CFAP96: variants seen among roughly 807,000 people sequenced by gnomAD.
The protein encoded by CFAP96 is cilia-and flagella-associated protein 96.
the CFAP96 span, among the ~76,000 whole-genome samples, chr4:185,437,114 G>A: frequency 6.6e-6 from 1 of 152,210 alleles, no homozygotes; most frequent in African/African-American, 2.4e-5. Context: ...ATGGGATGGA[G>A]GAGTGGAGGC....
the CFAP96 span, among the ~76,000 whole-genome samples, chr4:185,413,489 C>T: frequency 6.6e-6 from 1 of 152,138 alleles, no homozygotes; most frequent in Non-Finnish European, 1.5e-5. Context: ...TGGGACAAGC[C>T]TTTAAAGAAA....
At chr4:185,418,902 AT>A in the CFAP96 span, 14 of 688,150 alleles carry the variant, frequency 2.0e-5, no homozygotes, top group Non-Finnish European at 3.1e-5. Context: ...TAATTTCAAA[AT>A]TTTTTGCCTA....
the CFAP96 span, chr4:185,425,776 A>C: frequency 6.5e-7 from 1 of 1,547,692 alleles, no homozygotes; most frequent in Non-Finnish European, 8.8e-7. Flanking sequence ...CGGCAGGACC[A>C]GCTCCTTTCA....
the CFAP96 span, among the ~76,000 whole-genome samples, chr4:185,438,835 C>T: frequency 6.6e-6 from 1 of 152,204 alleles, no homozygotes; most frequent in Admixed American, 6.5e-5. Context: ...TCTAGGTACT[C>T]CGTCCGATGC....
chr4:185,414,532 C>CAG, the CFAP96 span, among the ~76,000 whole-genome samples: 8 of 152,154 alleles, frequency 5.3e-5, no homozygotes, highest in African/African-American at 1.9e-4. Flanking sequence ...CCTCCACATA[C>CAG]AGAGGGTCAG....
At chr4:185,437,094 T>C in the CFAP96 span, among the ~76,000 whole-genome samples, 1 of 152,210 alleles carries the variant, frequency 6.6e-6, no homozygotes, top group Non-Finnish European at 1.5e-5. Context: ...GAAGCCATTA[T>C]GATGAGCAGA....
At chr4:185,428,342 G>A in the CFAP96 span, among the ~76,000 whole-genome samples, 1 of 152,020 alleles carries the variant, frequency 6.6e-6, no homozygotes, top group African/African-American at 2.4e-5. Context: ...GGGAGGCCGA[G>A]GTGGGTGGAT....
At chr4:185,418,785 T>G in the CFAP96 span, 1 of 1,570,726 alleles carries the variant, frequency 6.4e-7, no homozygotes, top group African/African-American at 1.4e-5. Context: ...ATTAAAAGAA[T>G]ATAAATAGAA....
At chr4:185,413,988 A>C in the CFAP96 span, 1 of 915,296 alleles carries the variant, frequency 1.1e-6, no homozygotes, top group Non-Finnish European at 1.5e-6. Flanking sequence ...AAAAGTTTCC[A>C]AACACTTATG....
chr4:185,414,186 G>A, the CFAP96 span, among the ~76,000 whole-genome samples: 1 of 152,002 alleles, frequency 6.6e-6, no homozygotes, highest in African/African-American at 2.4e-5. Context: ...ATACATCCAG[G>A]CTAAAGACTG....
chr4:185,414,376 A>G, the CFAP96 span, among the ~76,000 whole-genome samples: 4 of 152,220 alleles, frequency 2.6e-5, no homozygotes, highest in Admixed American at 6.5e-5. Context: ...AAATACACAT[A>G]TATGTTTAAA....
At chr4:185,448,329 C>T in the CFAP96 span, among the ~76,000 whole-genome samples, 79 of 152,226 alleles carry the variant, frequency 5.2e-4, no homozygotes, top group African/African-American at 1.7e-3. Context: ...CCACTGCGCC[C>T]GGTCAGAAAT....
the CFAP96 span, chr4:185,425,868 T>G: frequency 1.2e-6 from 2 of 1,603,924 alleles, no homozygotes. Flanking sequence ...ATACTCACCA[T>G]GTCCGCGACG....
At chr4:185,435,641 T>C in the CFAP96 span, among the ~76,000 whole-genome samples, 1 of 152,208 alleles carries the variant, frequency 6.6e-6, no homozygotes, top group Non-Finnish European at 1.5e-5. Flanking sequence ...CTGTCAGTAG[T>C]GGAAACAGCA....
the CFAP96 span, chr4:185,444,860 A>C: frequency 1.8e-6 from 2 of 1,110,374 alleles, no homozygotes; most frequent in Admixed American, 2.6e-5. Context: ...TTTTCTTTAA[A>C]ACCAACTCCA....
At chr4:185,425,915 T>C in the CFAP96 span, 1 of 1,576,600 alleles carries the variant, frequency 6.3e-7, no homozygotes, top group Non-Finnish European at 8.6e-7. Flanking sequence ...GCCCAAAAGT[T>C]CCGGGGGCCG....
At chr4:185,413,591 G>A in the CFAP96 span, 1 of 889,692 alleles carries the variant, frequency 1.1e-6, no homozygotes, top group African/African-American at 1.7e-5. Flanking sequence ...AGCAATGTCT[G>A]TTAACAGAGA....
chr4:185,431,983 A>G, the CFAP96 span: 206 of 1,546,804 alleles, frequency 1.3e-4, 1 homozygote, highest in African/African-American at 1.2e-3. Flanking sequence ...TCTTTAAAGG[A>G]CCCTTTAATG....
the CFAP96 span, chr4:185,416,031 A>G: frequency 2.0e-6 from 1 of 506,862 alleles, no homozygotes; most frequent in South Asian, 3.7e-5. Flanking sequence ...AAGGAGTTCA[A>G]TCTGTAACTG....
Sources: allele counts gnomAD v4.1 joint callset (sites outside exome capture counted in the v4.1 genomes callset), GRCh38; gene constraint gnomAD v4.1.1; transcripts MANE v1.5; gene names NCBI Gene and HGNC (gene_info 2026-07-23, HGNC 2026-07-21).